Variants in ZBTB5 observed in about 807,000 individuals in gnomAD.
ZBTB5 encodes the protein zinc finger and BTB domain containing 5.
In ZBTB5, 15 loss-of-function variants were observed where a neutral mutation model predicts 37.9. The observed-to-expected ratio is 0.40, with a 90% CI of 0.26 to 0.61. The LOEUF is 0.61. Ranked by LOEUF, ZBTB5 falls within the 20% of genes least tolerant of loss-of-function variation. The pLI is 0.47. For synonymous variants in ZBTB5, 315 were observed against 312.4 expected, an observed-to-expected ratio of 1.01 and a Z score of -0.09; for missense variants, 708 against 856.8, an observed-to-expected ratio of 0.83 and a Z score of 2.17.
At position 37,459,903 on chromosome 9, in the gene ZBTB5, G is replaced by T. The variant is rs577480981; in HGVS notation, c.-5+5312C>A. Among the ~76,000 whole-genome samples the T allele has an allele frequency of 1.9e-4, 28 of 150,860 alleles. No individual in the cohort carries two copies. The South Asian group carries it at 5.5e-3, about 30-fold the overall frequency. The stretch of plus-strand genomic sequence containing the variant: ...TTTTTTGTATTTTTAGTAGAGACGG[G>T]GTTTCACCTTGTTAGTCAGGATGGT... On this transcript the variant is annotated intron_variant, in intron 1 of 1. Transcript: ENST00000307750.
At chr9:37,448,325 C>T (rs900699322) in intron 1 of ZBTB5, among the ~76,000 whole-genome samples, 1 of 152,148 alleles carries the variant, frequency 6.6e-6, no homozygotes, top group African/African-American at 2.4e-5. Context: ...TCAGGCAATA[C>T]AGAGGCTAAT....
chr9:37,461,837 A>G (rs965701351), intron 1 of ZBTB5, among the ~76,000 whole-genome samples: 1 of 152,230 alleles, frequency 6.6e-6, no homozygotes, highest in African/African-American at 2.4e-5. Context: ...TCACTTAATC[A>G]TCCTTTAAAA....
intron 1 of ZBTB5, among the ~76,000 whole-genome samples, chr9:37,464,078 C>G (rs1180113949): frequency 6.6e-6 from 1 of 152,186 alleles, no homozygotes; most frequent in African/African-American, 2.4e-5. Flanking sequence ...ACTTTTCCCT[C>G]TGAACTATTA....
At chr9:37,446,977 C>CA (rs1588777015) in intron 1 of ZBTB5, among the ~76,000 whole-genome samples, 1 of 152,170 alleles carries the variant, frequency 6.6e-6, no homozygotes, top group Non-Finnish European at 1.5e-5. Flanking sequence ...GCTCAACAGG[C>CA]AAAAACAAGG....
chr9:37,446,834 C>T (rs1055705113), intron 1 of ZBTB5, among the ~76,000 whole-genome samples: 1 of 152,176 alleles, frequency 6.6e-6, no homozygotes. Context: ...GTGCCAAGTT[C>T]CAGAGGGGTA....
chr9:37,449,412 A>G (rs1414345857), intron 1 of ZBTB5, among the ~76,000 whole-genome samples: 1 of 152,124 alleles, frequency 6.6e-6, no homozygotes, highest in African/African-American at 2.4e-5. Flanking sequence ...AATGAGTAAA[A>G]AAAGGCCTGG....
In ZBTB5 at chr9:37,442,545, A is replaced by G. The variant is rs1326346401; in HGVS notation, c.7T>C (p.Phe3Leu). 6.3e-7 allele frequency: 1 copy of G among 1,598,890 alleles called. No individual in the cohort carries two copies. Among genetic ancestry groups the G allele is most frequent in the Non-Finnish European group, 8.5e-7 (1 of 1,170,140 alleles). Residue 3 changes from phenylalanine (F) to leucine (L), a missense_variant, in exon 2 of 2, where the codon TTT becomes CTT. By Grantham distance (22) the Phe-to-Leu change is conservative. This residue lies in a region of ZBTB5 where 27 missense variants were observed against 58.4 expected (regional missense o/e 0.46). Coordinates refer to ENST00000307750, the MANE Select transcript of ZBTB5 (RefSeq NM_014872.3). ...AAGATTTGTTCAAAGTGACCAGGAA[A>G]ATCCATGATCCTACAGAAAAACAAA... MD[F>L]PGHFEQIFQQ...
At chr9:37,448,526 T>TA (rs1457222584) in intron 1 of ZBTB5, among the ~76,000 whole-genome samples, 1 of 150,128 alleles carries the variant, frequency 6.7e-6, no homozygotes, top group Non-Finnish European at 1.5e-5. Context: ...AATGCATAGT[T>TA]TTACTGAGTA....
At chr9:37,458,734 G>A (rs540814068) in intron 1 of ZBTB5, among the ~76,000 whole-genome samples, 2 of 152,246 alleles carry the variant, frequency 1.3e-5, no homozygotes, top group East Asian at 3.9e-4. Context: ...ATGAGTCAAC[G>A]TTTGGAAGAT....
chr9:37,459,422 T>C (rs1824248640), intron 1 of ZBTB5, among the ~76,000 whole-genome samples: 1 of 151,188 alleles, frequency 6.6e-6, no homozygotes, highest in Non-Finnish European at 1.5e-5. Context: ...ATCGCACCAC[T>C]GTACTCCAGT....
chr9:37,453,837 C>T (rs1176028458), intron 1 of ZBTB5, among the ~76,000 whole-genome samples: 1 of 152,186 alleles, frequency 6.6e-6, no homozygotes, highest in East Asian at 1.9e-4. Context: ...GAGACTATCT[C>T]AACCCAGATT....
At position 37,441,015 on chromosome 9, in the gene ZBTB5, G is replaced by C. The variant is rs757933199; in HGVS notation, c.1537C>G (p.Leu513Val). The C allele has an allele frequency of 6.2e-7, 1 of 1,614,190 alleles. No individual in the cohort carries two copies. The highest frequency in any genetic ancestry group is 2.2e-5 in the East Asian group (1 of 44,880). The change falls in exon 2 of 2, where the codon CTC (leucine) becomes GTC (valine). Residue 513 changes from leucine (L) to valine (V), a missense_variant. Leu to Val is a conservative substitution (Grantham distance 32). Coordinates refer to ENST00000307750, the MANE Select transcript of ZBTB5 (RefSeq NM_014872.3). Reference sequence around the variant, plus strand: ...ATTACCCTGGAGAAGGAGGAGTGGAGGCCCAAACCAGACCTGGAAAAGTCC... The same window carrying C: ...ATTACCCTGGAGAAGGAGGAGTGGACGCCCAAACCAGACCTGGAAAAGTCC... ...GMDFSRSGLGLHSSFSRVMIG... is the reference protein window; with the variant it reads ...GMDFSRSGLGVHSSFSRVMIG...
Position 37,442,134 on chromosome 9 carries a change from TGCGGGC to T in ZBTB5, c.412_417del (p.Ala138_Arg139del). 1 of 1,614,206 alleles carries T rather than the reference TGCGGGC, an allele frequency of 6.2e-7. No individual in the cohort carries two copies. Among genetic ancestry groups the T allele is most frequent in the South Asian group, 1.1e-5 (1 of 91,086 alleles). On this transcript the variant is annotated inframe_deletion, in exon 2 of 2. Coordinates refer to ENST00000307750, the MANE Select transcript of ZBTB5 (RefSeq NM_014872.3). Reference sequence around the variant, plus strand: ...TGCTGTAGCATAAAGGAGCGCTGCATGCGGGCGCTCTGCTCCTGAACGCGCTCACTG... The same window carrying T: ...TGCTGTAGCATAAAGGAGCGCTGCATGCTCTGCTCCTGAACGCGCTCACTG...
intron 1 of ZBTB5, among the ~76,000 whole-genome samples, chr9:37,446,529 A>T (rs1823995272): frequency 6.6e-6 from 1 of 152,228 alleles, no homozygotes; most frequent in Admixed American, 6.5e-5. Context: ...ATGAACTTTC[A>T]ACAACAAAAT....
intron 1 of ZBTB5, among the ~76,000 whole-genome samples, chr9:37,464,085 A>G (rs1472830319): frequency 2.6e-5 from 4 of 152,108 alleles, no homozygotes; most frequent in African/African-American, 9.7e-5. Flanking sequence ...CCTCTGAACT[A>G]TTAGCTTACT....
intron 1 of ZBTB5, among the ~76,000 whole-genome samples, chr9:37,456,143 G>A (rs559764243): frequency 9.9e-5 from 15 of 152,036 alleles, no homozygotes; most frequent in African/African-American, 2.9e-4. Flanking sequence ...TAGATAGGGG[G>A]TTTTGCCATG....
intron 1 of ZBTB5, among the ~76,000 whole-genome samples, chr9:37,445,846 A>T (rs1438450353): frequency 6.6e-6 from 1 of 152,012 alleles, no homozygotes; most frequent in Non-Finnish European, 1.5e-5. Context: ...CATGGCTGTA[A>T]TCCTAACCCT....
At position 37,441,671 on chromosome 9, in the gene ZBTB5, T is replaced by C. The variant is rs891153177; in HGVS notation, c.881A>G (p.Gln294Arg). The change falls in exon 2 of 2, where the codon CAG becomes CGG. Residue 294 changes from glutamine to arginine, a missense_variant. Physicochemically the swap from Gln to Arg is conservative, Grantham distance 43 (BLOSUM62 1). This residue lies in a region of ZBTB5 where 639 missense variants were observed against 690.5 expected (regional missense o/e 0.93). Transcript: ENST00000307750. ...TTCCTGATCAAAACTAGTCTCAACC[T>C]GAGTTGCACGAGAGGCCATGGACAA... ...AQLSMASRAT[Q>R]VETSFDQEAA... is the part of the protein sequence containing the mutation. 6.2e-7 allele frequency: 1 copy of C among 1,613,908 alleles called. No individual in the cohort carries two copies. The highest frequency in any genetic ancestry group is 8.5e-7 in the Non-Finnish European group (1 of 1,179,980).
intron 1 of ZBTB5, among the ~76,000 whole-genome samples, chr9:37,443,588 C>G (rs932133482): frequency 6.6e-6 from 1 of 152,092 alleles, no homozygotes; most frequent in Non-Finnish European, 1.5e-5. Flanking sequence ...GAAGGTGTGG[C>G]TAAGGCAGGA....
Sources: allele counts gnomAD v4.1 joint callset (sites outside exome capture counted in the v4.1 genomes callset), GRCh38; gene constraint gnomAD v4.1.1; regional missense constraint gnomAD v4.1.1; transcripts MANE v1.5; gene names NCBI Gene and HGNC (gene_info 2026-07-23, HGNC 2026-07-21).